The following PHF14 variants were observed in gnomAD, a reference collection of about 807,000 sequenced individuals.
PHF14 encodes the protein PHD finger protein 14.
In PHF14, 55 loss-of-function variants were observed where a neutral mutation model predicts 117.9. The observed-to-expected ratio is 0.47, with a 90% CI of 0.38 to 0.58. PHF14 has a LOEUF of 0.58. PHF14 is among the 20% of genes least tolerant of loss of function. The pLI is 0.00. For synonymous variants in PHF14, 409 were observed against 368.6 expected, an observed-to-expected ratio of 1.11 and a Z score of -1.26; for missense variants, 978 against 1,122.2, an observed-to-expected ratio of 0.87 and a Z score of 1.84.
intron 5 of PHF14, among the ~76,000 whole-genome samples, chr7:11,017,514 A>T (rs1783574029): frequency 6.6e-6 from 1 of 152,102 alleles, no homozygotes; most frequent in Non-Finnish European, 1.5e-5. Flanking sequence ...CCCTTTTCAT[A>T]TGCCTGTTTT....
At chr7:11,056,973 T>G (rs1305820887) in intron 14 of PHF14, among the ~76,000 whole-genome samples, 1 of 151,994 alleles carries the variant, frequency 6.6e-6, no homozygotes, top group African/African-American at 2.4e-5. Context: ...TAACATTGAT[T>G]TTGGAATTTT....
chr7:11,035,378 TA>T (rs1289323530), intron 7 of PHF14, among the ~76,000 whole-genome samples: 1 of 152,132 alleles, frequency 6.6e-6, no homozygotes. Flanking sequence ...ACCCAAATAA[TA>T]CATTATATTT....
intron 5 of PHF14, among the ~76,000 whole-genome samples, chr7:11,018,507 T>C (rs1379636633): frequency 6.6e-6 from 1 of 152,200 alleles, no homozygotes; most frequent in Non-Finnish European, 1.5e-5. Flanking sequence ...TGTGTGGCTA[T>C]TGTAAATGCC....
At chr7:11,087,810 C>T (rs1253534114) in intron 16 of PHF14, among the ~76,000 whole-genome samples, 3 of 152,062 alleles carry the variant, frequency 2.0e-5, no homozygotes, top group Non-Finnish European at 4.4e-5. Context: ...ATTGGATAAA[C>T]ATTTTGAAAT....
intron 4 of PHF14, among the ~76,000 whole-genome samples, chr7:10,993,217 T>A (rs1197234854): frequency 1.3e-5 from 2 of 151,484 alleles, no homozygotes; most frequent in East Asian, 3.9e-4. Flanking sequence ...ACCAATTAAT[T>A]ATTATTATTA....
In PHF14 at chr7:11,088,395, T is replaced by C. The variant is rs193221827; in HGVS notation, c.2655-22955T>C. Among the ~76,000 whole-genome samples the C allele has an allele frequency of 3.1e-3, 362 of 115,442 alleles. 3 individuals are homozygous for C. The highest frequency in any genetic ancestry group is 0.013 in the African/African-American group (349 of 27,558). 75.7% of individuals were successfully genotyped at this position (115,442 alleles called of 152,430 possible). A position where few individuals can be genotyped will look rare whatever the true frequency, so the allele number is the denominator to read the frequency against. On this transcript the variant is annotated intron_variant, in intron 16 of 17. Transcript: ENST00000634607. ...CAGAAGGTAATGTGTGTTGTTCACA[T>C]ACACACAAACACACACACACACGCA...
At chr7:11,165,069 C>T (rs556251537) in intron 17 of PHF14, among the ~76,000 whole-genome samples, 23 of 152,222 alleles carry the variant, frequency 1.5e-4, no homozygotes, top group Admixed American at 9.8e-4. Context: ...GGACTATAGG[C>T]GCCCGCCACC....
At chr7:11,122,394 CACACATATATATATACACGT>C (rs1321931666) in intron 17 of PHF14, among the ~76,000 whole-genome samples, 2 of 122,084 alleles carry the variant, frequency 1.6e-5, no homozygotes, top group Non-Finnish European at 3.4e-5. Context: ...CATACATACA[CACACATATATATATACACGT>C]ATATATATAT....
Position 11,062,089 on chromosome 7 carries a change from A to G in PHF14, c.2654+4A>G, listed in dbSNP as rs1785244883. Reference sequence around the variant, plus strand: ...GAGACAATGAAAATCTTGTCAGGTAAGTTGGATGCTAAAACCTTGTCTTTA... The same window carrying G: ...GAGACAATGAAAATCTTGTCAGGTAGGTTGGATGCTAAAACCTTGTCTTTA... On this transcript the variant is annotated splice_donor_region_variant and intron_variant, in intron 16 of 17. Coordinates refer to ENST00000634607, the MANE Select transcript of PHF14 (RefSeq NM_001007157.2). 2 of 1,603,906 alleles carry G rather than the reference A, an allele frequency of 1.2e-6. No homozygotes were observed. Among genetic ancestry groups the G allele is most frequent in the Non-Finnish European group, 1.7e-6 (2 of 1,175,264 alleles).
intron 7 of PHF14, among the ~76,000 whole-genome samples, chr7:11,032,975 C>T (rs917036434): frequency 6.6e-6 from 1 of 152,200 alleles, no homozygotes; most frequent in African/African-American, 2.4e-5. Flanking sequence ...TTTCAGTTTT[C>T]TATCCATAAA....
At chr7:10,983,339 A>C (rs1324955981) in intron 3 of PHF14, among the ~76,000 whole-genome samples, 180 bp downstream of exon 3, 1 of 152,156 alleles carries the variant, frequency 6.6e-6, no homozygotes, top group African/African-American at 2.4e-5. Flanking sequence ...TTAAATATCT[A>C]CTATTTGTCA....
intron 16 of PHF14, chr7:11,103,267 A>G (rs551702295): frequency 9.2e-6 from 8 of 870,556 alleles, no homozygotes; most frequent in Middle Eastern, 5.9e-4. Context: ...ATCTCTAGAT[A>G]TTTTTAGTAA....
intron 2 of PHF14, among the ~76,000 whole-genome samples, chr7:10,975,157 G>A (rs1162371228): frequency 2.0e-5 from 3 of 152,124 alleles, no homozygotes; most frequent in Non-Finnish European, 4.4e-5. Context: ...TAGCAGTCAG[G>A]GGAAGGACTT....
At chr7:11,139,624 C>G (rs1218622737) in intron 17 of PHF14, among the ~76,000 whole-genome samples, 1 of 152,082 alleles carries the variant, frequency 6.6e-6, no homozygotes, top group East Asian at 1.9e-4. Flanking sequence ...AAGAATGTAT[C>G]TATTTCACAC....
At chr7:11,148,691 A>G (rs1355502979) in intron 17 of PHF14, among the ~76,000 whole-genome samples, 2 of 152,218 alleles carry the variant, frequency 1.3e-5, no homozygotes, top group African/African-American at 4.8e-5. Context: ...ACAGAACCTG[A>G]CACATAATAG....
intron 17 of PHF14, among the ~76,000 whole-genome samples, chr7:11,118,476 A>C (rs1439917088): frequency 6.6e-6 from 1 of 151,802 alleles, no homozygotes; most frequent in African/African-American, 2.4e-5. Flanking sequence ...GACTATTAAT[A>C]ATTATTTGCT....
rs951270672 is a variant in PHF14 at position 11,005,787 on chromosome 7, C to CTTTTTTTTTTTTTTTTTTTTTTTTT, written c.1046-7936_1046-7935insTTTTTTTTTTTTTTTTTTTTTTTTT. Among the ~76,000 whole-genome samples the CTTTTTTTTTTTTTTTTTTTTTTTTT allele has an allele frequency of 3.6e-5, 3 of 84,448 alleles. 1 individual carries two copies. The highest frequency in any genetic ancestry group is 4.8e-5 in the African/African-American group (1 of 21,036). The allele number at this position is 84,448 out of a possible 152,430, so 55.4% of individuals were successfully genotyped here. The stretch of plus-strand genomic sequence containing the variant: ...GGATAGATACCTAGAAGTAAAAATT[C>CTTTTTTTTTTTTTTTTTTTTTTTTT]TTTTTTTTTTTTTTTTTTTTTTTTG... On this transcript the variant is annotated intron_variant, in intron 4 of 17. Coordinates refer to ENST00000634607, the MANE Select transcript of PHF14 (RefSeq NM_001007157.2).
At position 10,985,638 on chromosome 7, in the gene PHF14, G is replaced by GTTTTTTTTTTTT. The variant is rs61250143; in HGVS notation, c.900+2499_900+2510dup. Among the ~76,000 whole-genome samples, 12 of 45,936 alleles carry GTTTTTTTTTTTT rather than the reference G, an allele frequency of 2.6e-4. 3 individuals carry two copies. The highest frequency in any genetic ancestry group is 2.3e-3 in the East Asian group (3 of 1,322). The allele number at this position is 45,936 out of a possible 152,430, so 30.1% of individuals were successfully genotyped here. On this transcript the variant is annotated intron_variant, in intron 3 of 17. Coordinates refer to ENST00000634607, the MANE Select transcript of PHF14 (RefSeq NM_001007157.2). ...ACTCTCTAGCAGTGATTCTCAAACTGTTTTTTTTTTTTTTTTTTTTTTTTT... is the reference window on the plus strand; with the variant it reads ...ACTCTCTAGCAGTGATTCTCAAACTGTTTTTTTTTTTTTTTTTTTTTTTTTTTTTTTTTTTTT...
intron 2 of PHF14, among the ~76,000 whole-genome samples, chr7:10,978,735 C>G (rs1422796475): frequency 6.6e-6 from 1 of 152,108 alleles, no homozygotes; most frequent in Non-Finnish European, 1.5e-5. Flanking sequence ...TCCTACCTGC[C>G]CCAGCCTCAC....
Sources: allele counts gnomAD v4.1 joint callset (sites outside exome capture counted in the v4.1 genomes callset), GRCh38; gene constraint gnomAD v4.1.1; transcripts MANE v1.5; gene names NCBI Gene and HGNC (gene_info 2026-07-23, HGNC 2026-07-21).